Variants in YEATS2 observed in about 807,000 individuals in gnomAD.
YEATS2 encodes the protein YEATS domain-containing protein 2.
In YEATS2, 77 loss-of-function variants were observed where a neutral mutation model predicts 163.2. The ratio of observed to expected loss-of-function variants is 0.47; its 90% confidence interval spans 0.39 to 0.57. The LOEUF (loss-of-function observed/expected upper bound fraction) is 0.57, where lower values mean the gene tolerates loss of function less well. Ranked by LOEUF, YEATS2 falls within the 20% of genes least tolerant of loss-of-function variation. YEATS2 has a pLI of 0.00. For missense variants in YEATS2, 1,549 were observed against 1,729.8 expected, an observed-to-expected ratio of 0.90 and a Z score of 1.85; for synonymous variants, 631 against 645.1, an observed-to-expected ratio of 0.98 and a Z score of 0.33.
chr3:183,774,949 A>G (rs544197863), intron 17 of YEATS2, among the ~76,000 whole-genome samples: 1 of 152,354 alleles, frequency 6.6e-6, no homozygotes, highest in African/African-American at 2.4e-5. Context: ...TCCTTGGTGC[A>G]AAAATAAACC....
intron 15 of YEATS2, among the ~76,000 whole-genome samples, chr3:183,769,169 A>T (rs1023987420): frequency 6.6e-6 from 1 of 152,214 alleles, no homozygotes; most frequent in African/African-American, 2.4e-5. Context: ...TGAATCCCAC[A>T]TGCCTATTAC....
At chr3:183,709,362 G>GT (rs1234597883) in intron 1 of YEATS2, among the ~76,000 whole-genome samples, 1 of 151,832 alleles carries the variant, frequency 6.6e-6, no homozygotes, top group Non-Finnish European at 1.5e-5. Context: ...TTGAGATAAA[G>GT]TTTCTGTCAC....
At chr3:183,711,281 T>C (rs527852465) in intron 1 of YEATS2, among the ~76,000 whole-genome samples, 7 of 151,846 alleles carry the variant, frequency 4.6e-5, no homozygotes, top group South Asian at 2.1e-4. Context: ...CCATCCTGGC[T>C]AACACAGTAA....
chr3:183,801,550 TA>T (rs1302363792), intron 25 of YEATS2, 22 bp downstream of exon 25: 1 of 1,563,408 alleles, frequency 6.4e-7, no homozygotes, highest in Non-Finnish European at 8.7e-7. Flanking sequence ...ACACTGAATA[TA>T]GGGGTGCATT....
At chr3:183,773,830 T>G in intron 17 of YEATS2, 36 bp downstream of exon 17, 1 of 1,579,068 alleles carries the variant, frequency 6.3e-7, no homozygotes, top group Non-Finnish European at 8.6e-7. Context: ...ATTTGGTTCT[T>G]GGTTCTCTAT....
At chr3:183,766,275 A>C (rs975508067) in intron 15 of YEATS2, among the ~76,000 whole-genome samples, 3 of 152,226 alleles carry the variant, frequency 2.0e-5, no homozygotes, top group Admixed American at 1.3e-4. Flanking sequence ...TTGTATATGA[A>C]GGACCTACCT....
chr3:183,713,452 A>C (rs1715478622), intron 1 of YEATS2, among the ~76,000 whole-genome samples: 1 of 152,144 alleles, frequency 6.6e-6, no homozygotes, highest in African/African-American at 2.4e-5. Context: ...AATCTTAGCT[A>C]CTCAGGAGGC....
At position 183,736,818 on chromosome 3, in the gene YEATS2, C is replaced by T; in HGVS notation, c.913C>T (p.His305Tyr). ...CCAGAACAAGCGGATAGATATCATA[C>T]ATAATCTGAAGGTATTGTAACAAAA... is the stretch of plus-strand genomic sequence containing the variant. ...DSQNKRIDII[H>Y]NLKLDRTYTG... Residue 305 changes from histidine to tyrosine, a missense_variant, in exon 8 of 31, where the codon CAT becomes TAT. His to Tyr is a moderately conservative substitution (Grantham distance 83). Transcript: ENST00000305135. 6.2e-7 allele frequency: 1 copy of T among 1,612,558 alleles called. No homozygotes were observed. Among genetic ancestry groups the T allele is most frequent in the East Asian group, 2.2e-5 (1 of 44,792 alleles).
At chr3:183,736,921 C>T (rs763926452) in intron 8 of YEATS2, 92 bp downstream of exon 8, 40 of 1,135,682 alleles carry the variant, frequency 3.5e-5, no homozygotes, top group East Asian at 3.0e-4. Context: ...AGGACCCCCT[C>T]GCATTAAAAA....
chr3:183,802,847 T>G, intron 25 of YEATS2: 1 of 157,120 alleles, frequency 6.4e-6, no homozygotes, highest in Non-Finnish European at 1.4e-5. Flanking sequence ...GGAGAATCGC[T>G]TGAACCTGGG....
At chr3:183,804,891 A>G (rs1726028841) in intron 27 of YEATS2, among the ~76,000 whole-genome samples, 2 of 151,970 alleles carry the variant, frequency 1.3e-5, no homozygotes, top group Non-Finnish European at 2.9e-5. Flanking sequence ...TGGGAGGCTG[A>G]GGCAGGAGAA....
At chr3:183,799,584 G>A (rs1215958378) in intron 23 of YEATS2, among the ~76,000 whole-genome samples, 1 of 152,154 alleles carries the variant, frequency 6.6e-6, no homozygotes, top group Non-Finnish European at 1.5e-5. Context: ...CTGTCAGTGG[G>A]AGACATGCCT....
chr3:183,779,019 G>T (rs534661462), intron 19 of YEATS2, among the ~76,000 whole-genome samples: 8 of 150,988 alleles, frequency 5.3e-5, no homozygotes, highest in African/African-American at 1.9e-4. Context: ...CAAGCAGTTC[G>T]CCTGCCTCAT....
chr3:183,777,620 C>T lies in YEATS2; in HGVS notation c.2656C>T (p.Leu886=). ...LTTGSVVQGT[L]GVSTSSAQGQ... ...CACTGGGTCAGTGGTCCAAGGAACA[C>T]TGGGAGTCAGCACATCTTCTGCACA... Residue 886 remains leucine, a synonymous_variant, in exon 19 of 31, where the codon CTG becomes TTG. Transcript: ENST00000305135. 1.2e-6 allele frequency: 2 copies of T among 1,614,162 alleles called. No homozygotes were observed. The highest frequency in any genetic ancestry group is 1.7e-6 in the Non-Finnish European group (2 of 1,180,036).
At chr3:183,707,555 A>G (rs1007557299) in intron 1 of YEATS2, among the ~76,000 whole-genome samples, 4 of 151,736 alleles carry the variant, frequency 2.6e-5, no homozygotes, top group African/African-American at 9.7e-5. Flanking sequence ...AAGAGAATGT[A>G]TTTTCTTTTA....
rs1322630441 is a variant in YEATS2, at chr3:183,779,562, G to A, written c.2736+1862G>A. Among the ~76,000 whole-genome samples, 3 of 152,156 alleles carry A rather than the reference G, an allele frequency of 2.0e-5. No individual in the cohort carries two copies. In the East Asian group the frequency reaches 5.8e-4, roughly 29 times the overall value. ...ATATGTTTCAAAAAAATAAGATTTT[G>A]TAGTGTATTCAGCCTTTTCTTGTTA... On this transcript the variant is annotated intron_variant, in intron 19 of 30. Coordinates refer to ENST00000305135, the MANE Select transcript of YEATS2 (RefSeq NM_018023.5).
chr3:183,721,481 C>T (rs574192623), intron 4 of YEATS2, among the ~76,000 whole-genome samples: 2 of 152,128 alleles, frequency 1.3e-5, no homozygotes, highest in Non-Finnish European at 2.9e-5. Context: ...TTACATTTTA[C>T]TCTTATGTGG....
intron 1 of YEATS2, among the ~76,000 whole-genome samples, chr3:183,713,292 C>T (rs986212234): frequency 2.0e-5 from 3 of 152,252 alleles, no homozygotes; most frequent in Non-Finnish European, 2.9e-5. Flanking sequence ...TGGCTGGGCA[C>T]GGTGGCTCAC....
rs575047756 is a variant in YEATS2 at position 183,785,594 on chromosome 3, T to C, written c.2737-531T>C. On this transcript the variant is annotated intron_variant, in intron 19 of 30. Transcript: ENST00000305135. ...TCACTTGAGCCCAGGAGTTCGAGGC[T>C]GCAGTGAGCTATGATTGTGCCATTA... 4.6e-5 allele frequency among the ~76,000 whole-genome samples: 7 copies of C among 152,118 alleles called. No homozygotes were observed. In the East Asian group the frequency reaches 1.4e-3, roughly 29 times the overall value.
Sources: allele counts gnomAD v4.1 joint callset (sites outside exome capture counted in the v4.1 genomes callset), GRCh38; gene constraint gnomAD v4.1.1; transcripts MANE v1.5; gene names NCBI Gene and HGNC (gene_info 2026-07-23, HGNC 2026-07-21).